Variants in DCDC1 observed in about 807,000 individuals in gnomAD.
DCDC1 encodes doublecortin domain containing 1.
In DCDC1, 200 loss-of-function variants were observed where a neutral mutation model predicts 178.3. The observed-to-expected ratio is 1.12, with a 90% CI of 1.00 to 1.26. The LOEUF is 1.26. DCDC1 is among the 50% of genes most tolerant of loss of function. DCDC1 has a pLI of 0.00. For synonymous variants in DCDC1, 690 were observed against 604.8 expected (o/e 1.14, Z -2.07); for missense variants, 1,983 against 1,749.2 (o/e 1.13, Z -2.38).
At chr11:30,983,049 A>C (rs1950470985) in intron 20 of DCDC1, among the ~76,000 whole-genome samples, 1 of 152,222 alleles carries the variant, frequency 6.6e-6, no homozygotes, top group South Asian at 2.1e-4. Flanking sequence ...GCTGTGTTGG[A>C]AAATGCTAAG....
At chr11:31,009,558 A>G (rs1000419412) in intron 20 of DCDC1, among the ~76,000 whole-genome samples, 1 of 151,952 alleles carries the variant, frequency 6.6e-6, no homozygotes, top group Non-Finnish European at 1.5e-5. Flanking sequence ...GTTACAGACC[A>G]AATTTGAGAC....
chr11:31,071,334 T>C (rs1340408321), intron 18 of DCDC1, among the ~76,000 whole-genome samples: 2 of 152,188 alleles, frequency 1.3e-5, no homozygotes, highest in Admixed American at 1.3e-4. Context: ...AGTACTATAA[T>C]GGACATCCTT....
At chr11:31,330,170 A>G (rs1437888892) in intron 2 of DCDC1, among the ~76,000 whole-genome samples, 1 of 152,044 alleles carries the variant, frequency 6.6e-6, no homozygotes, top group Non-Finnish European at 1.5e-5. Flanking sequence ...GCATTTTTTC[A>G]TGTGTCTGTT....
At chr11:30,977,245 AAT>A (rs1271340504) in intron 20 of DCDC1, among the ~76,000 whole-genome samples, 10 of 151,918 alleles carry the variant, frequency 6.6e-5, no homozygotes, top group Admixed American at 1.3e-4. Flanking sequence ...AGTTAGAAGG[AAT>A]AAGTTCTAAT....
At chr11:31,314,688 A>G (rs1200045774) in intron 3 of DCDC1, 1 of 152,144 alleles carries the variant, frequency 6.6e-6, no homozygotes, top group African/African-American at 2.4e-5. Flanking sequence ...TCAATCTATG[A>G]TCGCTATCAT....
chr11:30,876,721 A>G (rs890743110), intron 38 of DCDC1, among the ~76,000 whole-genome samples: 6 of 152,190 alleles, frequency 3.9e-5, no homozygotes, highest in Non-Finnish European at 8.8e-5. Context: ...CCATTTTCAT[A>G]GCAAATCAAC....
At chr11:30,978,843 T>A (rs1252212629) in intron 20 of DCDC1, among the ~76,000 whole-genome samples, 5 of 147,616 alleles carry the variant, frequency 3.4e-5, no homozygotes, top group African/African-American at 1.3e-4. Context: ...TCTCAGCCTC[T>A]GGTATCTATC....
At chr11:31,305,210 A>C (rs893981840) in intron 6 of DCDC1, among the ~76,000 whole-genome samples, 1 of 152,196 alleles carries the variant, frequency 6.6e-6, no homozygotes, top group African/African-American at 2.4e-5. Context: ...TATCTGAAAA[A>C]AGACCAAGAG....
chr11:31,327,598 A>G (rs1949715845), intron 3 of DCDC1, among the ~76,000 whole-genome samples: 1 of 152,222 alleles, frequency 6.6e-6, no homozygotes, highest in Admixed American at 6.6e-5. Context: ...GTCAGATCCC[A>G]GAGATAATTT....
intron 9 of DCDC1, among the ~76,000 whole-genome samples, chr11:31,195,242 T>A (rs1433336831): frequency 6.6e-6 from 1 of 152,108 alleles, no homozygotes; most frequent in African/African-American, 2.4e-5. Context: ...GATTGGAAGT[T>A]ATGGAGGCTA....
chr11:31,068,324 G>A (rs970055127), intron 18 of DCDC1, among the ~76,000 whole-genome samples: 1 of 152,066 alleles, frequency 6.6e-6, no homozygotes, highest in African/African-American at 2.4e-5. Context: ...AGTGTAATTG[G>A]AATATCTATC....
chr11:30,940,430 T>C (rs548236868), intron 21 of DCDC1, among the ~76,000 whole-genome samples: 1 of 152,260 alleles, frequency 6.6e-6, no homozygotes, highest in East Asian at 1.9e-4. Flanking sequence ...TGTGTTTCTT[T>C]CCTGCTATAT....
chr11:31,212,820 T>C (rs1972742088), intron 9 of DCDC1, among the ~76,000 whole-genome samples: 2 of 152,214 alleles, frequency 1.3e-5, no homozygotes, highest in South Asian at 4.1e-4. Context: ...AGCAAAAATA[T>C]ACAAAACTGT....
intron 32 of DCDC1, among the ~76,000 whole-genome samples, chr11:30,901,888 A>G (rs1944699884): frequency 6.6e-6 from 1 of 152,174 alleles, no homozygotes; most frequent in African/African-American, 2.4e-5. Context: ...CACAAAAGTG[A>G]TAAGTAATTT....
intron 20 of DCDC1, among the ~76,000 whole-genome samples, chr11:31,020,983 A>C (rs1401009900): frequency 1.3e-5 from 2 of 152,242 alleles, no homozygotes; most frequent in Non-Finnish European, 2.9e-5. Flanking sequence ...AGGGAAACAA[A>C]ATTTAAATGT....
At chr11:31,100,277 A>T (rs545238002) in intron 15 of DCDC1, among the ~76,000 whole-genome samples, 6 of 152,246 alleles carry the variant, frequency 3.9e-5, no homozygotes, top group African/African-American at 1.4e-4. Flanking sequence ...AAGCAAACAA[A>T]AAAATCCATT....
At chr11:30,883,837 T>C (rs1055283193) in intron 36 of DCDC1, among the ~76,000 whole-genome samples, 1 of 152,068 alleles carries the variant, frequency 6.6e-6, no homozygotes, top group African/African-American at 2.4e-5. Flanking sequence ...ATCAAATTTC[T>C]TGACTAAGGG....
intron 6 of DCDC1, 96 bp downstream of exon 6, chr11:31,305,519 C>A (rs1005248490): frequency 1.8e-5 from 26 of 1,469,448 alleles, no homozygotes; most frequent in Admixed American, 2.1e-5. Flanking sequence ...TTTTGTTAAA[C>A]CATGCAAAAA....
chr11:31,305,897 G>GT (rs1948426234), intron 5 of DCDC1, 120 bp from the exon 6 acceptor site: 1 of 1,162,316 alleles, frequency 8.6e-7, no homozygotes, highest in South Asian at 1.8e-5. Flanking sequence ...TGCCAATACA[G>GT]TTATTTTCTA....
Sources: allele counts gnomAD v4.1 joint callset (sites outside exome capture counted in the v4.1 genomes callset), GRCh38; gene constraint gnomAD v4.1.1; transcripts MANE v1.5; gene names NCBI Gene and HGNC (gene_info 2026-07-23, HGNC 2026-07-21).